Variants in KIFC3 observed in about 807,000 individuals in gnomAD.
KIFC3 encodes the protein kinesin-like protein KIFC3.
A neutral mutation model predicts 101.8 loss-of-function variants in KIFC3; 60 were observed. That is an observed-to-expected ratio of 0.59 (90% CI 0.48 to 0.73). The LOEUF (loss-of-function observed/expected upper bound fraction) is 0.73, where lower values mean the gene tolerates loss of function less well. Ranked by LOEUF, KIFC3 falls within the 30% of genes least tolerant of loss-of-function variation. The pLI, the probability that KIFC3 is intolerant of heterozygous loss-of-function variation, is 0.00. For missense variants in KIFC3, 966 were observed against 1,137.1 expected, an observed-to-expected ratio of 0.85 and a Z score of 2.16; for synonymous variants, 476 against 482.7, an observed-to-expected ratio of 0.99 and a Z score of 0.18.
chr16:57,760,058 C>G (rs1159722938), intron 17 of KIFC3: 2 of 622,394 alleles, frequency 3.2e-6, no homozygotes, highest in Admixed American at 3.0e-5. Flanking sequence ...CTATGTGCCA[C>G]CCCCACGGCC....
At chr16:57,781,214 C>G (rs1598043310) in intron 3 of KIFC3, among the ~76,000 whole-genome samples, 1 of 152,114 alleles carries the variant, frequency 6.6e-6, no homozygotes. Context: ...ATTCAGGAGG[C>G]TTAGGTGGGA....
At chr16:57,860,893 G>T (rs1407446624) in intron 1 of KIFC3, among the ~76,000 whole-genome samples, 2 of 151,928 alleles carry the variant, frequency 1.3e-5, no homozygotes, top group African/African-American at 2.4e-5. Flanking sequence ...TATATCTTTT[G>T]TAAAGACAGG....
At position 57,783,661 on chromosome 16, in the gene KIFC3, C is replaced by CG. The variant is rs1568014034; in HGVS notation, c.315+11337dup. Among the ~76,000 whole-genome samples the CG allele has an allele frequency of 5.9e-5, 9 of 152,000 alleles. No individual in the cohort carries two copies. The South Asian group carries it at 1.9e-3, about 32-fold the overall frequency. On this transcript the variant is annotated intron_variant, in intron 3 of 19. Coordinates refer to ENST00000445690, the MANE Select transcript of KIFC3 (RefSeq NM_001130100.2). ...CTAATTTTTGTATTTTTAGTAGAGA[C>CG]GGGGTTTCACTATGTTGGCCAGGCT...
intron 1 of KIFC3, among the ~76,000 whole-genome samples, chr16:57,861,959 T>C (rs1206616083): frequency 2.6e-5 from 4 of 151,890 alleles, no homozygotes; most frequent in African/African-American, 7.3e-5. Context: ...AAAATAATAA[T>C]AGTAATAATA....
chr16:57,817,338 G>A (rs543962977), intron 1 of KIFC3, among the ~76,000 whole-genome samples: 1 of 151,624 alleles, frequency 6.6e-6, no homozygotes, highest in African/African-American at 2.4e-5. Context: ...CAGCCTGGGT[G>A]ACAGAGAGAG....
chr16:57,807,960 CCTT>C (rs2054979890), upstream of KIFC3: 1 of 102,318 alleles, frequency 9.8e-6, no homozygotes, highest in East Asian at 2.9e-4. Flanking sequence ...AAAAAAAAAA[CCTT>C]CTAAGAGGAC....
chr16:57,770,601 G>A lies in KIFC3; in HGVS notation c.865C>T (p.Gln289Ter). Residue 289 changes from glutamine to a stop codon, truncating the protein, a stop_gained, in exon 7 of 20, where the codon CAG (glutamine) becomes TAG (stop). Transcript: ENST00000445690. LOFTEE classifies it high-confidence loss of function. ...NQHLQEQVAMQRQVLKEMEQQ... is the reference protein window; with the variant it reads ...NQHLQEQVAM ...TCCATCTCCTTCAGCACCTGCCTCT[G>A]CATAGCCACCTGCTCCTGCAGGTGC... is the stretch of plus-strand genomic sequence containing the variant. 6.5e-7 allele frequency: 1 copy of A among 1,539,180 alleles called. No homozygotes were observed. Among genetic ancestry groups the A allele is most frequent in the Non-Finnish European group, 8.8e-7 (1 of 1,141,624 alleles).
At chr16:57,801,524 C>T (rs1315499842) in intron 1 of KIFC3, among the ~76,000 whole-genome samples, 3 of 152,164 alleles carry the variant, frequency 2.0e-5, no homozygotes, top group Non-Finnish European at 4.4e-5. Context: ...GTCAAGGAGA[C>T]GGCTACTCTA....
intron 3 of KIFC3, among the ~76,000 whole-genome samples, chr16:57,784,465 C>T (rs1489910334): frequency 1.3e-5 from 2 of 152,232 alleles, no homozygotes; most frequent in South Asian, 2.1e-4. Context: ...TTCAAAAACG[C>T]GCACAATATG....
At chr16:57,811,047 C>G (rs1274487217) in intron 1 of KIFC3, among the ~76,000 whole-genome samples, 4 of 152,188 alleles carry the variant, frequency 2.6e-5, no homozygotes, top group Non-Finnish European at 5.9e-5. Flanking sequence ...AGTGGGCCAG[C>G]TGGAAGGGAT....
At chr16:57,825,934 C>G (rs2055448862) in intron 1 of KIFC3, among the ~76,000 whole-genome samples, 2 of 152,232 alleles carry the variant, frequency 1.3e-5, no homozygotes, top group Non-Finnish European at 1.5e-5. Flanking sequence ...ATCCACCCAC[C>G]TTGGTCTCCC....
intron 1 of KIFC3, among the ~76,000 whole-genome samples, chr16:57,839,696 C>G (rs2055764722): frequency 6.6e-6 from 1 of 152,034 alleles, no homozygotes; most frequent in Non-Finnish European, 1.5e-5. Context: ...CTTCCTGTGA[C>G]TTGAAAATGC....
At chr16:57,775,844 G>A (rs1555611548) in intron 3 of KIFC3, 1 of 985,402 alleles carries the variant, frequency 1.0e-6, no homozygotes, top group African/African-American at 1.7e-5. Context: ...GCTGAGGACG[G>A]ACCAGGCTGG....
At chr16:57,761,668 T>G in intron 13 of KIFC3, 132 bp from the exon 14 acceptor site, 2 of 959,244 alleles carry the variant, frequency 2.1e-6, no homozygotes, top group Non-Finnish European at 3.2e-6. Flanking sequence ...AGTGCATCTC[T>G]CCTCCTCCAG....
At chr16:57,793,237 A>C (rs2054024470) in intron 3 of KIFC3, among the ~76,000 whole-genome samples, 1 of 151,648 alleles carries the variant, frequency 6.6e-6, no homozygotes, top group African/African-American at 2.4e-5. Context: ...AGTGGGCTGC[A>C]ATCATGCCAC....
chr16:57,795,866 G>GT (rs1183811779), intron 2 of KIFC3, among the ~76,000 whole-genome samples: 3 of 126,520 alleles, frequency 2.4e-5, no homozygotes, highest in African/African-American at 9.0e-5. Context: ...CACACATTCT[G>GT]TTTTTTTGGG....
chr16:57,790,942 G>C, intron 3 of KIFC3: 1 of 985,134 alleles, frequency 1.0e-6, no homozygotes, highest in Non-Finnish European at 1.2e-6. Context: ...CTTATATTTA[G>C]GAATATTCCT....
chr16:57,848,549 G>T (rs1267371966), intron 1 of KIFC3, among the ~76,000 whole-genome samples: 1 of 152,182 alleles, frequency 6.6e-6, no homozygotes, highest in Non-Finnish European at 1.5e-5. Flanking sequence ...GATCCCTTGA[G>T]CCCATGAATT....
Position 57,788,797 on chromosome 16 carries a change from A to G in KIFC3, c.315+6202T>C. The G allele has an allele frequency of 4.0e-6, 5 of 1,238,300 alleles. No individual in the cohort carries two copies. In the South Asian group the frequency reaches 6.6e-5, roughly 16 times the overall value. The allele number at this position is 1,238,300 out of a possible 1,614,324, so 76.7% of individuals were successfully genotyped here. ...GAGCCAGAGGATGGTGTGCTCCCGG[A>G]GCTGGCAAGGATCCCAGGGCCCAGC... On this transcript the variant is annotated intron_variant, in intron 3 of 19. Transcript: ENST00000445690.
Sources: gnomAD v4.1 joint callset for allele counts (sites outside exome capture counted in the v4.1 genomes callset) on GRCh38, gnomAD v4.1.1 for gene constraint, MANE v1.5 for transcripts, NCBI Gene and HGNC (gene_info 2026-07-23, HGNC 2026-07-21) for gene names.